The following ZMYND8 variants were observed in gnomAD, a reference collection of about 807,000 sequenced individuals.
ZMYND8 encodes the protein MYND-type zinc finger-containing chromatin reader ZMYND8.
A neutral mutation model predicts 140.8 loss-of-function variants in ZMYND8; 37 were observed. That is an observed-to-expected ratio of 0.26 (90% confidence interval 0.20 to 0.35). The LOEUF (loss-of-function observed/expected upper bound fraction) is 0.35, where lower values mean the gene tolerates loss of function less well. Among genes scored for constraint, ZMYND8 ranks in the 10% least tolerant of loss-of-function variants. The pLI is 1.00. For synonymous variants in ZMYND8, 592 were observed against 597.1 expected (o/e 0.99, Z 0.12); for missense variants, 1,068 against 1,570.0 (o/e 0.68, Z 5.40).
Position 47,236,525 on chromosome 20 carries a change from G to C in ZMYND8, c.2666-9C>G. The stretch of plus-strand genomic sequence containing the variant: ...CTCCTTCTGCTGGACAGCTAGGAAG[G>C]CAAAGCATCCTGATTACCCCACGTG... On this transcript the variant is annotated splice_polypyrimidine_tract_variant and intron_variant, in intron 15 of 22. Transcript: ENST00000471951. The C allele has an allele frequency of 6.5e-7, 1 of 1,550,276 alleles. No individual in the cohort carries two copies. The highest frequency in any genetic ancestry group is 8.7e-7 in the Non-Finnish European group (1 of 1,147,836).
At chr20:47,257,672 ACATAC>A (rs1377756930) in intron 12 of ZMYND8, among the ~76,000 whole-genome samples, 1 of 152,204 alleles carries the variant, frequency 6.6e-6, no homozygotes, top group African/African-American at 2.4e-5. Context: ...TACCCAATAT[ACATAC>A]ATATACCATA....
In ZMYND8 at chr20:47,348,250, A is replaced by G. The variant is rs989493969; in HGVS notation, c.15-324T>C. The stretch of plus-strand genomic sequence containing the variant: ...CAATGAGAACCCAGCCTTCAAATAA[A>G]CAAGCTTCTCATTGTTAACACAGGG... On this transcript the variant is annotated intron_variant, in intron 1 of 22. Coordinates refer to ENST00000471951, the MANE Select transcript of ZMYND8 (RefSeq NM_001281775.3). 3.1e-5 allele frequency: 11 copies of G among 358,466 alleles called. No individual in the cohort carries two copies. In the East Asian group the frequency reaches 7.0e-4, roughly 23 times the overall value. The allele number at this position is 358,466 out of a possible 1,614,324, so 22.2% of individuals were successfully genotyped here.
intron 21 of ZMYND8, among the ~76,000 whole-genome samples, chr20:47,216,495 CAAAAAAAAAA>C (rs10536216): frequency 1.5e-3 from 92 of 59,458 alleles, no homozygotes; most frequent in Admixed American, 5.1e-3. Context: ...GACTCTGTCT[CAAAAAAAAAA>C]AAAAAAAAAA....
intron 2 of ZMYND8, chr20:47,319,309 G>A (rs1020486010): frequency 1.7e-5 from 5 of 299,828 alleles, no homozygotes; most frequent in East Asian, 9.0e-5. Context: ...CATTGATTTC[G>A]TGGGATTGTG....
At chr20:47,255,288 G>A (rs1601316708) in intron 12 of ZMYND8, among the ~76,000 whole-genome samples, 1 of 152,070 alleles carries the variant, frequency 6.6e-6, no homozygotes, top group East Asian at 1.9e-4. Flanking sequence ...GTGGTTGGAG[G>A]TTACAGACAC....
At position 47,262,319 on chromosome 20, in the gene ZMYND8, G is replaced by A. The variant is rs2075215036; in HGVS notation, c.1590C>T (p.Ser530=). ...APITTKTDKT[S]TTGSILNLNL... ...TAAGATTCAGGATGCTGCCGGTGGT[G>A]GAGGTTTTGTCCGTTTTCGTCGTGA... The change falls in exon 12 of 23, where the codon TCC becomes TCT. Residue 530 remains serine, a synonymous_variant. Coordinates refer to ENST00000471951, the MANE Select transcript of ZMYND8 (RefSeq NM_001281775.3). 1 of 1,613,874 alleles carries A rather than the reference G, an allele frequency of 6.2e-7. No homozygotes were observed. The highest frequency in any genetic ancestry group is 8.5e-7 in the Non-Finnish European group (1 of 1,180,030).
At chr20:47,225,792 T>C (rs1294290576) in intron 18 of ZMYND8, among the ~76,000 whole-genome samples, 1 of 151,846 alleles carries the variant, frequency 6.6e-6, no homozygotes, top group East Asian at 1.9e-4. Context: ...TTTTTTCAAA[T>C]GTGCAGTCAA....
chr20:47,251,795 G>A (rs930216518), intron 12 of ZMYND8, among the ~76,000 whole-genome samples: 6 of 140,042 alleles, frequency 4.3e-5, no homozygotes, highest in Admixed American at 7.0e-5. Context: ...CTGCCCGGCC[G>A]CCGCACCGTC....
intron 2 of ZMYND8, among the ~76,000 whole-genome samples, chr20:47,313,869 G>A (rs1309648672): frequency 1.3e-5 from 2 of 150,710 alleles, no homozygotes; most frequent in African/African-American, 2.4e-5. Context: ...GGAGGCAGGG[G>A]TTGCAGTGAG....
chr20:47,265,043 A>T (rs1021443919), intron 11 of ZMYND8, among the ~76,000 whole-genome samples: 13 of 74,436 alleles, frequency 1.7e-4, no homozygotes, highest in African/African-American at 4.3e-4. Flanking sequence ...TCCCCAAAAA[A>T]ATATATATAC....
intron 3 of ZMYND8, among the ~76,000 whole-genome samples, chr20:47,299,713 A>G (rs1187601990): frequency 6.6e-6 from 1 of 152,032 alleles, no homozygotes; most frequent in Non-Finnish European, 1.5e-5. Context: ...CCTCCTGAGT[A>G]GCTGGGACTA....
chr20:47,296,053 G>A (rs191731223), intron 4 of ZMYND8, among the ~76,000 whole-genome samples: 15 of 151,838 alleles, frequency 9.9e-5, no homozygotes, highest in African/African-American at 3.1e-4. Context: ...AGTGCATGAC[G>A]CATGCATCTA....
chr20:47,331,372 G>C (rs921186902), intron 2 of ZMYND8, among the ~76,000 whole-genome samples: 2 of 152,174 alleles, frequency 1.3e-5, no homozygotes, highest in African/African-American at 4.8e-5. Context: ...ACACAAAAGG[G>C]CAAAGAACAG....
chr20:47,347,754 C>G, intron 2 of ZMYND8, 102 bp downstream of exon 2: 1 of 1,106,692 alleles, frequency 9.0e-7, no homozygotes, highest in East Asian at 2.4e-5. Context: ...AGAGTTACAA[C>G]GTCGGCTCAG....
chr20:47,220,860 CA>C (rs1275614977), intron 20 of ZMYND8, among the ~76,000 whole-genome samples: 1 of 152,162 alleles, frequency 6.6e-6, no homozygotes, highest in African/African-American at 2.4e-5. Flanking sequence ...CACACCCTGG[CA>C]AACAAACAAG....
At chr20:47,218,406 T>C (rs534387361) in intron 21 of ZMYND8, among the ~76,000 whole-genome samples, 3 of 152,358 alleles carry the variant, frequency 2.0e-5, no homozygotes, top group East Asian at 3.9e-4. Context: ...GACACATCCA[T>C]AGTCCTCTTA....
intron 2 of ZMYND8, among the ~76,000 whole-genome samples, chr20:47,312,826 G>A (rs562222048): frequency 1.2e-4 from 18 of 149,780 alleles, no homozygotes; most frequent in African/African-American, 3.9e-4. Context: ...GGTGCAGCCC[G>A]GGGTGAGCAC....
At chr20:47,245,536 A>T (rs1270575402) in intron 14 of ZMYND8, among the ~76,000 whole-genome samples, 1 of 152,170 alleles carries the variant, frequency 6.6e-6, no homozygotes, top group African/African-American at 2.4e-5. Flanking sequence ...GTGAGCCACC[A>T]TGCCCAGCTT....
intron 3 of ZMYND8, among the ~76,000 whole-genome samples, chr20:47,309,035 G>A (rs1193464041): frequency 2.6e-5 from 4 of 152,184 alleles, no homozygotes; most frequent in Admixed American, 6.5e-5. Flanking sequence ...AGTCCAGGGG[G>A]ATAGATACAA....
Sources: allele counts gnomAD v4.1 joint callset (sites outside exome capture counted in the v4.1 genomes callset), GRCh38; gene constraint gnomAD v4.1.1; transcripts MANE v1.5; gene names NCBI Gene and HGNC (gene_info 2026-07-23, HGNC 2026-07-21).